Variants in AGBL1 observed in about 807,000 individuals in gnomAD.
AGBL1 encodes the protein cytosolic carboxypeptidase 4.
Under a neutral mutation model 118.9 loss-of-function variants are expected in AGBL1, and 130 were observed. The observed-to-expected ratio is 1.09, with a 90% CI of 0.95 to 1.26. The LOEUF is 1.26. Ranked by LOEUF, AGBL1 falls within the 50% of genes most tolerant of loss-of-function variation. AGBL1 has a pLI of 0.00. For synonymous variants in AGBL1, 555 were observed against 478.9 expected, an observed-to-expected ratio of 1.16 and a Z score of -2.08; for missense variants, 1,584 against 1,298.1, an observed-to-expected ratio of 1.22 and a Z score of -3.38.
At chr15:86,392,059 A>C (rs539611996) in intron 17 of AGBL1, among the ~76,000 whole-genome samples, 2 of 152,268 alleles carry the variant, frequency 1.3e-5, no homozygotes, top group African/African-American at 4.8e-5. Context: ...TTCTCTAAAA[A>C]AGTAAACATT....
intron 18 of AGBL1, among the ~76,000 whole-genome samples, chr15:86,512,200 T>C (rs959893981): frequency 2.0e-5 from 3 of 151,982 alleles, no homozygotes; most frequent in Non-Finnish European, 4.4e-5. Flanking sequence ...AAATCAAGTC[T>C]GTCGCTGAGG....
At chr15:86,537,752 G>C (rs913483820) in intron 19 of AGBL1, among the ~76,000 whole-genome samples, 8 of 152,174 alleles carry the variant, frequency 5.3e-5, no homozygotes, top group Non-Finnish European at 1.0e-4. Context: ...TCTGCAAGTT[G>C]CTTAACCTCC....
chr15:86,974,575 T>C (rs1360597497), intron 23 of AGBL1, among the ~76,000 whole-genome samples: 2 of 138,960 alleles, frequency 1.4e-5, no homozygotes, highest in Non-Finnish European at 3.0e-5. Context: ...TTATATATAT[T>C]AAATATATAA....
chr15:86,264,516 A>G lies in AGBL1; in HGVS notation c.1345A>G (p.Arg449Gly). ...YQNVQSNSLR[R>G]DSSESEIPDI... is the part of the protein sequence containing the mutation. ...AAATGTGCAATCCAATAGTCTCAGG[A>G]GAGATTCTTCTGAAAGTGAAATCCC... is the stretch of plus-strand genomic sequence containing the variant. Residue 449 changes from arginine (R) to glycine (G), a missense_variant, in exon 11 of 23, where the codon AGA becomes GGA. By Grantham distance (125) the Arg-to-Gly change is moderately radical. Transcript: ENST00000614907. 1 of 1,614,058 alleles carries G rather than the reference A, an allele frequency of 6.2e-7. No homozygotes were observed. The highest frequency in any genetic ancestry group is 1.7e-5 in the Admixed American group (1 of 60,032).
intron 22 of AGBL1, among the ~76,000 whole-genome samples, chr15:86,805,244 G>C (rs185834357): frequency 6.6e-6 from 1 of 151,758 alleles, no homozygotes; most frequent in Admixed American, 6.6e-5. Flanking sequence ...AGGAGCATCA[G>C]ACAAATAGAC....
intron 22 of AGBL1, among the ~76,000 whole-genome samples, chr15:86,815,620 C>T (rs983339807): frequency 2.0e-5 from 3 of 152,204 alleles, no homozygotes; most frequent in Non-Finnish European, 2.9e-5. Flanking sequence ...AGAGGAAAGA[C>T]AAGCACCCAG....
intron 21 of AGBL1, among the ~76,000 whole-genome samples, chr15:86,640,770 T>TTTTAAAATATA (rs1443715730): frequency 6.6e-6 from 1 of 152,140 alleles, no homozygotes; most frequent in Non-Finnish European, 1.5e-5. Flanking sequence ...TGGTATGACC[T>TTTTAAAATATA]TTTAAAATAT....
chr15:86,141,418 G>T (rs970869689), intron 1 of AGBL1, among the ~76,000 whole-genome samples: 1 of 152,172 alleles, frequency 6.6e-6, no homozygotes, highest in South Asian at 2.1e-4. Context: ...TTGGGAGGCC[G>T]AGGCAGGCAG....
intron 22 of AGBL1, among the ~76,000 whole-genome samples, chr15:86,720,160 C>G (rs1157386218): frequency 6.6e-6 from 1 of 152,204 alleles, no homozygotes; most frequent in Non-Finnish European, 1.5e-5. Flanking sequence ...CATGGGCAAT[C>G]AATCCTGTGA....
intron 17 of AGBL1, chr15:86,296,305 A>C (rs1331603460): frequency 1.3e-5 from 2 of 152,176 alleles, no homozygotes; most frequent in Non-Finnish European, 2.9e-5. Context: ...ATTAAAGAAG[A>C]AGCTGGATGC....
intron 1 of AGBL1, among the ~76,000 whole-genome samples, chr15:86,118,140 C>T (rs939536035): frequency 6.6e-6 from 1 of 152,178 alleles, no homozygotes; most frequent in Non-Finnish European, 1.5e-5. Flanking sequence ...ATGGCCCTCA[C>T]CTTTTCCCAG....
chr15:86,689,988 G>A (rs1170562411), intron 22 of AGBL1, among the ~76,000 whole-genome samples: 2 of 152,084 alleles, frequency 1.3e-5, no homozygotes, highest in African/African-American at 4.8e-5. Flanking sequence ...AGTAACTTTG[G>A]TAGAAACATA....
chr15:86,857,698 C>T lies in AGBL1; in HGVS notation c.3159-49389C>T, dbSNP rs184685732. ...TGACTCTTTCATTCAGACCTGGCTC[C>T]GTACTAGGCTCTGAGATGCAGGAGG... is the stretch of plus-strand genomic sequence containing the variant. On this transcript the variant is annotated intron_variant, in intron 22 of 22. Coordinates refer to ENST00000614907, the MANE Select transcript of AGBL1 (RefSeq NM_001386094.1). 5.9e-5 allele frequency among the ~76,000 whole-genome samples: 9 copies of T among 152,266 alleles called. No individual in the cohort carries two copies. In the East Asian group the frequency reaches 7.7e-4, roughly 13 times the overall value.
chr15:86,154,127 T>C (rs371873798), intron 3 of AGBL1, among the ~76,000 whole-genome samples: 5 of 152,168 alleles, frequency 3.3e-5, no homozygotes, highest in Admixed American at 6.6e-5. Flanking sequence ...TAGAATCGTC[T>C]TAAAGGAACA....
At chr15:86,574,611 C>G (rs1041175652) in intron 21 of AGBL1, among the ~76,000 whole-genome samples, 1 of 93,424 alleles carries the variant, frequency 1.1e-5, no homozygotes, top group Non-Finnish European at 2.0e-5. Context: ...AGGTTTAGCT[C>G]TTGTCACCCA....
intron 21 of AGBL1, among the ~76,000 whole-genome samples, chr15:86,570,891 C>G (rs950019861): frequency 6.6e-6 from 1 of 152,148 alleles, no homozygotes; most frequent in African/African-American, 2.4e-5. Context: ...TGCTACTGGC[C>G]TGGATCCCAT....
chr15:86,998,311 G>A (rs1431782477), intron 24 of AGBL1, among the ~76,000 whole-genome samples: 1 of 152,146 alleles, frequency 6.6e-6, no homozygotes, highest in Non-Finnish European at 1.5e-5. Context: ...GCTTTAGTAA[G>A]GCAAGTTGCC....
intron 22 of AGBL1, among the ~76,000 whole-genome samples, chr15:86,707,465 G>A (rs1032348632): frequency 7.9e-5 from 12 of 152,040 alleles, no homozygotes; most frequent in African/African-American, 2.9e-4. Flanking sequence ...TAGAGAGAGA[G>A]CATTAAATAA....
chr15:86,813,944 G>A (rs915014522), intron 22 of AGBL1, among the ~76,000 whole-genome samples: 31 of 152,146 alleles, frequency 2.0e-4, no homozygotes, highest in African/African-American at 7.0e-4. Flanking sequence ...CTAGAAGTGA[G>A]TAGATACCAG....
Sources: allele counts gnomAD v4.1 joint callset (sites outside exome capture counted in the v4.1 genomes callset), GRCh38; gene constraint gnomAD v4.1.1; transcripts MANE v1.5; gene names NCBI Gene and HGNC (gene_info 2026-07-23, HGNC 2026-07-21).